The following SBK1 variants were observed in gnomAD, a reference collection of about 807,000 sequenced individuals.
SBK1 encodes SH3 domain binding kinase 1.
In SBK1, 11 loss-of-function variants were observed where a neutral mutation model predicts 24.4. That is an observed-to-expected ratio of 0.45 (90% confidence interval 0.28 to 0.75). The LOEUF is 0.75. SBK1 is among the 30% of genes least tolerant of loss of function. The pLI, the probability that SBK1 is intolerant of heterozygous loss-of-function variation, is 0.12. For missense variants in SBK1, 467 were observed against 620.5 expected (o/e 0.75, Z 2.63); for synonymous variants, 308 against 284.4 (o/e 1.08, Z -0.83).
chr16:28,306,190 G>A (rs1286767633), intron 1 of SBK1, among the ~76,000 whole-genome samples: 1 of 152,050 alleles, frequency 6.6e-6, no homozygotes, highest in Non-Finnish European at 1.5e-5. Flanking sequence ...TCTCACCCTG[G>A]GCTGCAAAGC....
At chr16:28,310,912 C>T (rs1199547059) in intron 1 of SBK1, among the ~76,000 whole-genome samples, 1 of 152,190 alleles carries the variant, frequency 6.6e-6, no homozygotes, top group Non-Finnish European at 1.5e-5. Context: ...CAAGGCCAAG[C>T]CTCAAGGCCC....
chr16:28,294,187 T>C lies in SBK1; in HGVS notation c.-8+887T>C, dbSNP rs2044622557. Among the ~76,000 whole-genome samples the C allele has an allele frequency of 2.6e-5, 4 of 152,060 alleles. No individual in the cohort carries two copies. In the South Asian group the frequency reaches 8.3e-4, roughly 32 times the overall value. ...GGCCGTACCCCAGCCTGGCCCTCAG[T>C]GAGGTCCTGAACCCCAGGCTCTACC... On this transcript the variant is annotated intron_variant, in intron 1 of 3. Transcript: ENST00000341901.
intron 2 of SBK1, 118 bp from the exon 3 acceptor site, chr16:28,318,877 G>A (rs2044817131): frequency 6.4e-6 from 5 of 780,070 alleles, no homozygotes; most frequent in Admixed American, 5.5e-5. Context: ...CGTGAGATGA[G>A]GACAGTCATG....
At chr16:28,263,815 A>T (rs1303238797) in intron 1 of SBK1, among the ~76,000 whole-genome samples, 6 of 152,142 alleles carry the variant, frequency 3.9e-5, no homozygotes, top group Non-Finnish European at 8.8e-5. Flanking sequence ...TGGGGAAGTA[A>T]GAAAGTGCTT....
intron 1 of SBK1, among the ~76,000 whole-genome samples, chr16:28,287,448 C>CA (rs751846795): frequency 0.025 from 1,967 of 79,930 alleles, 24 homozygotes; most frequent in African/African-American, 0.063. Flanking sequence ...GACTCCATCT[C>CA]AAAAAAAAAA....
chr16:28,305,594 C>T (rs1019290074), intron 1 of SBK1, among the ~76,000 whole-genome samples: 5 of 150,082 alleles, frequency 3.3e-5, no homozygotes, highest in Non-Finnish European at 3.0e-5. Context: ...TGCAGTGGTG[C>T]AATCTTGGCT....
intron 1 of SBK1, among the ~76,000 whole-genome samples, chr16:28,304,977 C>G (rs150980670): frequency 1.3e-3 from 205 of 152,114 alleles, no homozygotes; most frequent in African/African-American, 4.8e-3. Flanking sequence ...TGGCACCATC[C>G]CAGCTCACTA....
intron 2 of SBK1, 43 bp from the exon 3 acceptor site, chr16:28,318,952 C>T (rs1481301638): frequency 2.0e-6 from 3 of 1,499,588 alleles, no homozygotes; most frequent in Non-Finnish European, 2.8e-6. Flanking sequence ...TGCGGAGGCA[C>T]TGGGAGAGGG....
intron 1 of SBK1, among the ~76,000 whole-genome samples, chr16:28,301,366 A>C (rs1431461736): frequency 1.3e-5 from 2 of 152,198 alleles, no homozygotes; most frequent in Non-Finnish European, 2.9e-5. Flanking sequence ...CAAGCTATTA[A>C]TAGCCACCAA....
chr16:28,303,120 G>A (rs1333661979), intron 1 of SBK1, among the ~76,000 whole-genome samples: 1 of 151,460 alleles, frequency 6.6e-6, no homozygotes, highest in Non-Finnish European at 1.5e-5. Flanking sequence ...GGGAACAGTG[G>A]GGGGACCAGC....
At chr16:28,302,341 T>C (rs545017320) in intron 1 of SBK1, among the ~76,000 whole-genome samples, 1 of 152,310 alleles carries the variant, frequency 6.6e-6, no homozygotes, top group African/African-American at 2.4e-5. Context: ...TGAACAGACT[T>C]CTGCACTGGA....
intron 1 of SBK1, among the ~76,000 whole-genome samples, chr16:28,268,128 T>C (rs749892291): frequency 2.0e-5 from 3 of 151,934 alleles, no homozygotes; most frequent in Non-Finnish European, 4.4e-5. Context: ...TAAAACAGTT[T>C]TGTTCATTCC....
In SBK1 at chr16:28,320,034, T is replaced by A; in HGVS notation, c.430-42T>A. ...GAGGGGAGGGCGGCGGGGCGGGCGCTGGAGAGCTGGAAACAGCGCGGCTTC... is the reference window on the plus strand; with the variant it reads ...GAGGGGAGGGCGGCGGGGCGGGCGCAGGAGAGCTGGAAACAGCGCGGCTTC... On this transcript the variant is annotated intron_variant, in intron 3 of 3. Coordinates refer to ENST00000341901, the MANE Select transcript of SBK1 (RefSeq NM_001024401.3). This position sits in a 1 kb window ranked among gnomAD's most constrained non-coding sequence, Gnocchi z 8.5. 7.0e-7 allele frequency: 1 copy of A among 1,433,290 alleles called. No individual in the cohort carries two copies. Among genetic ancestry groups the A allele is most frequent in the South Asian group, 1.5e-5 (1 of 67,036 alleles). 88.8% of individuals were successfully genotyped at this position (1,433,290 alleles called of 1,614,324 possible).
intron 1 of SBK1, among the ~76,000 whole-genome samples, chr16:28,311,572 A>G (rs916172575): frequency 2.0e-5 from 3 of 152,002 alleles, no homozygotes; most frequent in African/African-American, 7.3e-5. Context: ...ACCATGACGC[A>G]CACCTGCAGT....
intron 1 of SBK1, among the ~76,000 whole-genome samples, chr16:28,301,415 G>C (rs529293098): frequency 6.6e-6 from 1 of 152,344 alleles, no homozygotes; most frequent in East Asian, 1.9e-4. Context: ...GCACCAGCTG[G>C]GAGGGGAGGC....
At chr16:28,280,149 A>ATATATATGTGTGTGTGTG (rs1230385223) in intron 1 of SBK1, among the ~76,000 whole-genome samples, 22 of 39,394 alleles carry the variant, frequency 5.6e-4, no homozygotes, top group African/African-American at 1.6e-3. Context: ...ATATATATAT[A>ATATATATGTGTGTGTGTG]TGTGTGTGTG....
chr16:28,314,139 C>T (rs1038316520), intron 1 of SBK1, among the ~76,000 whole-genome samples: 4 of 122,964 alleles, frequency 3.3e-5, no homozygotes, highest in African/African-American at 8.0e-5. Flanking sequence ...TTGTTGTTGT[C>T]GTTATTATTG....
chr16:28,275,324 G>C (rs1423336868), intron 1 of SBK1, among the ~76,000 whole-genome samples: 2 of 152,086 alleles, frequency 1.3e-5, no homozygotes, highest in African/African-American at 4.8e-5. Flanking sequence ...AAATAAGTGA[G>C]AAATGGGGGT....
intron 1 of SBK1, among the ~76,000 whole-genome samples, chr16:28,308,605 G>C (rs2044732679): frequency 1.3e-5 from 2 of 151,096 alleles, no homozygotes; most frequent in Non-Finnish European, 1.5e-5. Flanking sequence ...TTGTTTCTTT[G>C]TAGATAGAGA....
Sources: allele counts gnomAD v4.1 joint callset (sites outside exome capture counted in the v4.1 genomes callset), GRCh38; gene constraint gnomAD v4.1.1; non-coding constraint Gnocchi (gnomAD v3.1); transcripts MANE v1.5; gene names NCBI Gene and HGNC (gene_info 2026-07-23, HGNC 2026-07-21).